The following PRKN variants were observed in gnomAD, a reference collection of about 807,000 sequenced individuals.
PRKN encodes the protein parkin RBR E3 ubiquitin protein ligase.
PRKN carries 56 observed loss-of-function variants against 59.5 expected under a neutral mutation model. That is an observed-to-expected ratio of 0.94 (90% confidence interval 0.76 to 1.18). The LOEUF (loss-of-function observed/expected upper bound fraction) is 1.18. Among genes scored for constraint, PRKN ranks in the 50% most tolerant of loss-of-function variants. The pLI is 0.00. For missense variants in PRKN, 657 were observed against 596.4 expected, an observed-to-expected ratio of 1.10 and a Z score of -1.06; for synonymous variants, 250 against 222.1, an observed-to-expected ratio of 1.13 and a Z score of -1.12.
In PRKN at chr6:162,033,492, T is replaced by C. The variant is rs191258324; in HGVS notation, c.618+20599A>G. ...TTAGTTATAACTAATATGCTTCTTT[T>C]TTTCTTTAAAAATAATATAGATCAA... On this transcript the variant is annotated intron_variant, in intron 5 of 11. Transcript: ENST00000366898. Among the ~76,000 whole-genome samples, 757 of 152,272 alleles carry C rather than the reference T, an allele frequency of 5.0e-3. 2 individuals are homozygous for C. The highest frequency in any genetic ancestry group is 8.2e-3 in the Non-Finnish European group (561 of 68,024).
intron 2 of PRKN, among the ~76,000 whole-genome samples, chr6:162,424,287 A>G (rs1789115898): frequency 6.6e-6 from 1 of 152,144 alleles, no homozygotes; most frequent in Admixed American, 6.5e-5. Context: ...AAAATCTCTA[A>G]AGCAGTGAAA....
chr6:162,252,381 C>T (rs1198424135), intron 3 of PRKN, among the ~76,000 whole-genome samples: 1 of 152,164 alleles, frequency 6.6e-6, no homozygotes, highest in Non-Finnish European at 1.5e-5. Context: ...GTGTTGACTG[C>T]AATGGTTAAG....
intron 3 of PRKN, among the ~76,000 whole-genome samples, chr6:162,240,261 T>C (rs947899096): frequency 2.0e-5 from 3 of 152,218 alleles, no homozygotes; most frequent in Non-Finnish European, 4.4e-5. Flanking sequence ...TTATTAATTC[T>C]ATCATCCAAT....
At chr6:161,644,266 C>T (rs1783845270) in intron 7 of PRKN, among the ~76,000 whole-genome samples, 1 of 152,122 alleles carries the variant, frequency 6.6e-6, no homozygotes, top group Non-Finnish European at 1.5e-5. Context: ...GGGATTCACT[C>T]AGGTTAGGGC....
intron 9 of PRKN, among the ~76,000 whole-genome samples, chr6:161,507,821 G>A (rs1034942357): frequency 1.3e-5 from 2 of 152,026 alleles, no homozygotes; most frequent in East Asian, 1.9e-4. Context: ...GGGTTTTCAC[G>A]TCCAGCCTGA....
chr6:162,620,586 C>G (rs904207038), intron 1 of PRKN, among the ~76,000 whole-genome samples: 1 of 152,168 alleles, frequency 6.6e-6, no homozygotes, highest in East Asian at 1.9e-4. Context: ...CATGTATTAT[C>G]TTTTTATTCC....
At chr6:162,010,325 T>TA (rs1782455405) in intron 5 of PRKN, among the ~76,000 whole-genome samples, 2 of 120,762 alleles carry the variant, frequency 1.7e-5, no homozygotes, top group Non-Finnish European at 3.2e-5. Context: ...TATATATTTA[T>TA]AATATATAAT....
chr6:161,471,632 A>G lies in PRKN; in HGVS notation c.1083+77222T>C, dbSNP rs1790793806. 6.6e-6 allele frequency among the ~76,000 whole-genome samples: 1 copy of G among 152,234 alleles called. No homozygotes were observed. The highest frequency in any genetic ancestry group is 6.5e-5 in the Admixed American group (1 of 15,280). On this transcript the variant is annotated intron_variant, in intron 9 of 11. Transcript: ENST00000366898. This position sits in a 1 kb window ranked among gnomAD's most constrained non-coding sequence, Gnocchi z 4.5. ...TTGAATTGGATGGTCTATCGGAAAC[A>G]GAATCAGGATTCAAAAACATCCCCC...
intron 4 of PRKN, among the ~76,000 whole-genome samples, chr6:162,151,027 G>T (rs559293010): frequency 1.3e-5 from 2 of 152,236 alleles, no homozygotes; most frequent in Admixed American, 1.3e-4. Flanking sequence ...CACTAGTGAA[G>T]ATCTATATGA....
At chr6:162,012,134 A>C (rs1437150100) in intron 5 of PRKN, among the ~76,000 whole-genome samples, 1 of 152,096 alleles carries the variant, frequency 6.6e-6, no homozygotes, top group Non-Finnish European at 1.5e-5. Flanking sequence ...GAAATCGTTT[A>C]ACCATGATGT....
At chr6:162,156,388 A>G (rs1237253873) in intron 4 of PRKN, among the ~76,000 whole-genome samples, 1 of 152,190 alleles carries the variant, frequency 6.6e-6, no homozygotes, top group Non-Finnish European at 1.5e-5. Context: ...CTGAGGAGCA[A>G]GGAAGTCAGT....
intron 4 of PRKN, among the ~76,000 whole-genome samples, chr6:162,141,055 G>A (rs1024855666): frequency 1.5e-4 from 23 of 152,114 alleles, no homozygotes; most frequent in Admixed American, 5.9e-4. Context: ...GCGTGAACCC[G>A]GGAGGCGGAG....
At chr6:162,255,087 T>G (rs1779589552) in intron 3 of PRKN, among the ~76,000 whole-genome samples, 1 of 139,860 alleles carries the variant, frequency 7.2e-6, no homozygotes, top group African/African-American at 2.6e-5. Context: ...AAAAATAAAA[T>G]AAAATAAAAT....
chr6:161,901,268 A>G (rs1021823014), intron 6 of PRKN, among the ~76,000 whole-genome samples: 5 of 152,088 alleles, frequency 3.3e-5, no homozygotes, highest in African/African-American at 1.2e-4. Context: ...AAAAGTAAAA[A>G]AGCAGTTTGG....
intron 5 of PRKN, among the ~76,000 whole-genome samples, chr6:162,021,163 TATAAAA>T (rs1783160243): frequency 3.6e-5 from 1 of 27,654 alleles, no homozygotes; most frequent in Admixed American, 5.8e-4. Flanking sequence ...TATATATATA[TATAAAA>T]TATATGTGTA....
intron 9 of PRKN, among the ~76,000 whole-genome samples, chr6:161,495,321 A>T (rs1049704941): frequency 2.0e-5 from 3 of 152,166 alleles, no homozygotes; most frequent in Non-Finnish European, 4.4e-5. Flanking sequence ...AACGTGTCAG[A>T]CAACATGCTA....
intron 2 of PRKN, among the ~76,000 whole-genome samples, chr6:162,349,821 T>A (rs1784551736): frequency 6.6e-6 from 1 of 152,162 alleles, no homozygotes; most frequent in Admixed American, 6.5e-5. Context: ...TCAGTTCTAT[T>A]CAACATTGTA....
At chr6:162,601,761 T>G (rs986589837) in intron 1 of PRKN, among the ~76,000 whole-genome samples, 2 of 152,166 alleles carry the variant, frequency 1.3e-5, no homozygotes, top group African/African-American at 4.8e-5. Context: ...AAAGGGTGAA[T>G]GCTCAGAAAA....
At position 161,417,963 on chromosome 6, in the gene PRKN, C is replaced by T. The variant is rs1338804937; in HGVS notation, c.1084-31086G>A. Among the ~76,000 whole-genome samples, 1 of 152,178 alleles carries T rather than the reference C, an allele frequency of 6.6e-6. No individual in the cohort carries two copies. The highest frequency in any genetic ancestry group is 1.5e-5 in the Non-Finnish European group (1 of 68,040). ...TGCTGGGAGCTGCAGGCTGGCTTCCCACGCTCCCTCCTGGGCCTGGCCCCC... is the reference window on the plus strand; with the variant it reads ...TGCTGGGAGCTGCAGGCTGGCTTCCTACGCTCCCTCCTGGGCCTGGCCCCC... On this transcript the variant is annotated intron_variant, in intron 9 of 11. Coordinates refer to ENST00000366898, the MANE Select transcript of PRKN (RefSeq NM_004562.3). The surrounding 1 kb of genome is among the most constrained non-coding windows in gnomAD (Gnocchi z 5.4).
Sources: gnomAD v4.1 joint callset for allele counts (sites outside exome capture counted in the v4.1 genomes callset) on GRCh38, gnomAD v4.1.1 for gene constraint, Gnocchi (gnomAD v3.1) non-coding constraint, MANE v1.5 for transcripts, NCBI Gene and HGNC (gene_info 2026-07-23, HGNC 2026-07-21) for gene names.